Variants in ROR1 observed in about 807,000 individuals in gnomAD.
ROR1 encodes ROR family WNT receptor 1, also known as inactive tyrosine-protein kinase transmembrane receptor ROR1.
A neutral mutation model predicts 78.8 loss-of-function variants in ROR1; 19 were observed. The observed-to-expected ratio is 0.24, with a 90% CI of 0.17 to 0.35. ROR1 has a LOEUF of 0.35. Among genes scored for constraint, ROR1 ranks in the 10% least tolerant of loss-of-function variants. The pLI is 1.00. For missense variants in ROR1, 917 were observed against 1,177.8 expected (o/e 0.78, Z 3.24); for synonymous variants, 386 against 433.6 (o/e 0.89, Z 1.36).
intron 1 of ROR1, among the ~76,000 whole-genome samples, chr1:63,939,068 A>G (rs1239395590): frequency 6.6e-6 from 1 of 152,234 alleles, no homozygotes; most frequent in Non-Finnish European, 1.5e-5. Flanking sequence ...AATTCATTTC[A>G]TATAATACCC....
intron 1 of ROR1, among the ~76,000 whole-genome samples, chr1:63,867,021 A>G (rs1460288525): frequency 1.3e-5 from 2 of 152,226 alleles, no homozygotes; most frequent in South Asian, 4.1e-4. Flanking sequence ...ATCTAGCTAC[A>G]GTGTTTGTAC....
intron 1 of ROR1, among the ~76,000 whole-genome samples, chr1:63,776,845 T>C (rs1482322507): frequency 3.9e-5 from 6 of 152,228 alleles, no homozygotes; most frequent in Non-Finnish European, 8.8e-5. Flanking sequence ...TAAATCCCTT[T>C]CCATTTTGTG....
intron 1 of ROR1, among the ~76,000 whole-genome samples, chr1:63,866,693 A>G (rs2100353286): frequency 6.6e-6 from 1 of 152,168 alleles, no homozygotes; most frequent in Admixed American, 6.5e-5. Flanking sequence ...CATTAGATAT[A>G]GTTATGGATC....
At chr1:63,837,668 A>G (rs1406263563) in intron 1 of ROR1, among the ~76,000 whole-genome samples, 2 of 152,164 alleles carry the variant, frequency 1.3e-5, no homozygotes, top group African/African-American at 4.8e-5. Context: ...AAACAATACA[A>G]CAATTAGCTG....
At chr1:63,925,650 T>C (rs922354811) in intron 1 of ROR1, among the ~76,000 whole-genome samples, 1 of 151,302 alleles carries the variant, frequency 6.6e-6, no homozygotes, top group African/African-American at 2.4e-5. Context: ...AGTTTTCCTA[T>C]TTCTCCACAT....
intron 1 of ROR1, among the ~76,000 whole-genome samples, chr1:63,807,076 G>C: frequency 6.6e-6 from 1 of 152,156 alleles, no homozygotes; most frequent in African/African-American, 2.4e-5. Flanking sequence ...TTACAACTGG[G>C]AGGGACTTTT....
chr1:64,000,977 A>T (rs1439293260), intron 1 of ROR1, among the ~76,000 whole-genome samples: 3 of 152,108 alleles, frequency 2.0e-5, no homozygotes, highest in Non-Finnish European at 4.4e-5. Flanking sequence ...CTTACATACA[A>T]CTCTTCCTTC....
chr1:63,815,792 C>G lies in ROR1; in HGVS notation c.91+41284C>G, dbSNP rs552150040. Among the ~76,000 whole-genome samples, 7 of 152,092 alleles carry G rather than the reference C, an allele frequency of 4.6e-5. 1 individual carries two copies. In the South Asian group the frequency reaches 1.2e-3, roughly 27 times the overall value. ...GTGAGTATGGAATCATGTGGGGAAC[C>G]GCCATGAATTACACATACCCAGGTC... On this transcript the variant is annotated intron_variant, in intron 1 of 8. Transcript: ENST00000371079.
At chr1:64,148,802 G>A (rs1045022865) in intron 7 of ROR1, among the ~76,000 whole-genome samples, 3 of 152,110 alleles carry the variant, frequency 2.0e-5, no homozygotes, top group Non-Finnish European at 2.9e-5. Flanking sequence ...TGAAAAAAAA[G>A]ACAAAAGTTG....
chr1:63,851,904 G>A (rs1645116267), intron 1 of ROR1, among the ~76,000 whole-genome samples: 1 of 152,240 alleles, frequency 6.6e-6, no homozygotes, highest in Non-Finnish European at 1.5e-5. Flanking sequence ...GAAGATGGAA[G>A]ACAAGTAGAC....
chr1:63,885,904 A>C lies in ROR1; in HGVS notation c.91+111396A>C, dbSNP rs1645353593. Among the ~76,000 whole-genome samples the C allele has an allele frequency of 2.0e-5, 3 of 152,142 alleles. No homozygotes were observed. In the South Asian group the frequency reaches 6.2e-4, roughly 31 times the overall value. On this transcript the variant is annotated intron_variant, in intron 1 of 8. Transcript: ENST00000371079. ...GGAATGATCCAAGCACATTACGTTT[A>C]TTTTGCACTCTCTATTATTATTACA...
At chr1:63,883,233 A>C (rs990031756) in intron 1 of ROR1, among the ~76,000 whole-genome samples, 4 of 152,058 alleles carry the variant, frequency 2.6e-5, no homozygotes, top group Non-Finnish European at 5.9e-5. Flanking sequence ...TTCTAGAGGA[A>C]AAAAAATATC....
chr1:64,178,964 C>A lies in ROR1; in HGVS notation c.*109C>A. The A allele has an allele frequency of 1.6e-6, 1 of 634,700 alleles. No homozygotes were observed. Among genetic ancestry groups the A allele is most frequent in the Non-Finnish European group, 2.5e-6 (1 of 400,642 alleles). The allele number at this position is 634,700 out of a possible 1,614,324, so 39.3% of individuals were successfully genotyped here. A position where few individuals can be genotyped will look rare whatever the true frequency, so the allele number is the denominator to read the frequency against. On this transcript the variant is annotated 3_prime_UTR_variant, in exon 9 of 9. Transcript: ENST00000371079. The surrounding 1 kb of genome is among the most constrained non-coding windows in gnomAD (Gnocchi z 4.3). ...TAAGGTTCTCATTTAGCAGACATCG[C>A]AACAAGTACCTTCTGTGAAGTTTCA...
chr1:64,039,914 G>A (rs1646732900), intron 2 of ROR1, among the ~76,000 whole-genome samples: 1 of 152,222 alleles, frequency 6.6e-6, no homozygotes, highest in African/African-American at 2.4e-5. Context: ...TCTTTAGGCT[G>A]CAATGTGACC....
chr1:64,054,339 A>G (rs1646856928), intron 4 of ROR1, among the ~76,000 whole-genome samples: 1 of 151,828 alleles, frequency 6.6e-6, no homozygotes, highest in Non-Finnish European at 1.5e-5. Context: ...GTTCAGTGGC[A>G]TGACCTTGGC....
intron 1 of ROR1, among the ~76,000 whole-genome samples, chr1:63,992,850 C>T (rs1175065982): frequency 6.6e-6 from 1 of 152,110 alleles, no homozygotes; most frequent in Non-Finnish European, 1.5e-5. Context: ...TGCTGAAGTT[C>T]TCCTCCTCCT....
intron 1 of ROR1, among the ~76,000 whole-genome samples, chr1:63,909,232 C>G (rs1053575485): frequency 4.6e-5 from 7 of 152,100 alleles, no homozygotes; most frequent in Non-Finnish European, 8.8e-5. Context: ...TTCCTCAGCT[C>G]CTTCTTTTCT....
chr1:63,919,522 T>C (rs1645637150), intron 1 of ROR1, among the ~76,000 whole-genome samples: 1 of 151,162 alleles, frequency 6.6e-6, no homozygotes. Flanking sequence ...GATAACTATA[T>C]TAATTTATTA....
chr1:63,923,933 T>G (rs1645678131), intron 1 of ROR1, among the ~76,000 whole-genome samples: 1 of 151,972 alleles, frequency 6.6e-6, no homozygotes, highest in Non-Finnish European at 1.5e-5. Flanking sequence ...GACCTTTGCA[T>G]GTGCTGTTTG....
Sources: allele counts gnomAD v4.1 joint callset (sites outside exome capture counted in the v4.1 genomes callset), GRCh38; gene constraint gnomAD v4.1.1; non-coding constraint Gnocchi (gnomAD v3.1); transcripts MANE v1.5; gene names NCBI Gene and HGNC (gene_info 2026-07-23, HGNC 2026-07-21).